The following RBM39 variants were observed in gnomAD, a reference collection of about 807,000 sequenced individuals.
RBM39 encodes the protein RNA-binding protein 39.
A neutral mutation model predicts 79.6 loss-of-function variants in RBM39; 12 were observed. The ratio of observed to expected loss-of-function variants is 0.15; its 90% CI spans 0.10 to 0.24. The LOEUF is 0.24. Among genes scored for constraint, RBM39 ranks in the 10% least tolerant of loss-of-function variants. RBM39 has a pLI of 1.00. For synonymous variants in RBM39, 185 were observed against 208.4 expected, an observed-to-expected ratio of 0.89 and a Z score of 0.97; for missense variants, 243 against 653.4, an observed-to-expected ratio of 0.37 and a Z score of 6.85.
rs1423718184 is a variant in RBM39 at position 35,722,457 on chromosome 20, G to GTT, written c.688-581_688-580insAA. ...ATAAAAATAAAAAGTTTATTTAGAG[G>GTT]CTTTTTTTTTTTTTTTTTTGAGACA... On this transcript the variant is annotated intron_variant, in intron 8 of 16. Transcript: ENST00000253363. Among the ~76,000 whole-genome samples the GTT allele has an allele frequency of 2.4e-3, 312 of 131,242 alleles. 10 individuals carry two copies. Among genetic ancestry groups the GTT allele is most frequent in the African/African-American group, 9.0e-3 (297 of 33,054 alleles). The allele number at this position is 131,242 out of a possible 152,430, so 86.1% of individuals were successfully genotyped here.
intron 10 of RBM39, among the ~76,000 whole-genome samples, chr20:35,714,954 T>TA (rs930140105): frequency 2.1e-4 from 32 of 152,192 alleles, no homozygotes; most frequent in African/African-American, 6.7e-4. Context: ...GTTACTAGAA[T>TA]AAAAAAATAA....
chr20:35,714,171 C>T lies in RBM39; in HGVS notation c.1096+14G>A. ...ACCCACAGTAAATCATTCGTAATAG[C>T]AAGAAACACTTACCCTCTGCAAGTC... is the stretch of plus-strand genomic sequence containing the variant. On this transcript the variant is annotated intron_variant, in intron 11 of 16. Coordinates refer to ENST00000253363, the MANE Select transcript of RBM39 (RefSeq NM_184234.3). 6.2e-7 allele frequency: 1 copy of T among 1,610,116 alleles called. No individual in the cohort carries two copies. The highest frequency in any genetic ancestry group is 2.2e-5 in the East Asian group (1 of 44,858).
At chr20:35,730,911 A>G (rs1370326971) in intron 4 of RBM39, among the ~76,000 whole-genome samples, 1 of 152,124 alleles carries the variant, frequency 6.6e-6, no homozygotes, top group African/African-American at 2.4e-5. Flanking sequence ...AATTCTTTTT[A>G]TTTTAAAGAT....
chr20:35,716,940 CAAG>C (rs1163967143), intron 9 of RBM39, 135 bp from the exon 10 acceptor site: 9 of 588,244 alleles, frequency 1.5e-5, no homozygotes, highest in Non-Finnish European at 2.7e-5. Context: ...ACCTCATCAC[CAAG>C]AAGTCTTTTT....
At chr20:35,721,696 A>C (rs1288560352) in intron 9 of RBM39, 44 bp downstream of exon 9, 2 of 1,597,224 alleles carry the variant, frequency 1.3e-6, no homozygotes, top group Non-Finnish European at 1.7e-6. Flanking sequence ...AGTTATACTC[A>C]GATCAACAAC....
At chr20:35,712,459 A>AAAGG (rs1555890288) in intron 12 of RBM39, among the ~76,000 whole-genome samples, 2 of 22,798 alleles carry the variant, frequency 8.8e-5, no homozygotes, top group Admixed American at 3.9e-4. Flanking sequence ...AAAAAAAAAA[A>AAAGG]GGGGGCGGGG....
At chr20:35,737,971 C>T (rs1491003749) in intron 3 of RBM39, among the ~76,000 whole-genome samples, 1 of 150,872 alleles carries the variant, frequency 6.6e-6, no homozygotes, top group African/African-American at 2.4e-5. Flanking sequence ...CTGGCTAACA[C>T]GGTGAAACTC....
chr20:35,717,839 A>G (rs1370287486), intron 9 of RBM39, among the ~76,000 whole-genome samples: 2 of 151,360 alleles, frequency 1.3e-5, no homozygotes, highest in Non-Finnish European at 2.9e-5. Flanking sequence ...ACAGAGGGAG[A>G]CTCTGTCTCA....
chr20:35,707,921 T>C (rs972976700), intron 13 of RBM39: 1 of 466,988 alleles, frequency 2.1e-6, no homozygotes, highest in Non-Finnish European at 4.4e-6. Flanking sequence ...ATATTACCAG[T>C]AGCTGTTACA....
At chr20:35,728,195 G>A (rs2038970705) in intron 6 of RBM39, among the ~76,000 whole-genome samples, 1 of 152,096 alleles carries the variant, frequency 6.6e-6, no homozygotes, top group Admixed American at 6.6e-5. Context: ...TTTTCCTCAG[G>A]ACAGCCAAAT....
At chr20:35,737,688 A>G (rs7268246) in intron 3 of RBM39, among the ~76,000 whole-genome samples, 7,007 of 148,522 alleles carry the variant, frequency 0.047, 204 homozygotes, top group African/African-American at 0.087. Flanking sequence ...TCTCTACTAA[A>G]ATTACAAAAA....
At chr20:35,732,946 A>G (rs907503480) in intron 3 of RBM39, 12 of 152,234 alleles carry the variant, frequency 7.9e-5, no homozygotes, top group Non-Finnish European at 1.6e-4. Context: ...AACACGTTCA[A>G]AGGGTCACAT....
At chr20:35,724,760 T>C (rs2038436896) in intron 7 of RBM39, 38 bp from the exon 8 acceptor site, 2 of 1,597,552 alleles carry the variant, frequency 1.3e-6, no homozygotes, top group Admixed American at 1.7e-5. Flanking sequence ...AAACATCCAT[T>C]GTAACACATG....
At chr20:35,716,133 G>C (rs1416419288) in intron 10 of RBM39, among the ~76,000 whole-genome samples, 1 of 152,030 alleles carries the variant, frequency 6.6e-6, no homozygotes, top group Non-Finnish European at 1.5e-5. Context: ...CAGCGCAATA[G>C]CACAATCTTG....
At chr20:35,721,212 G>A (rs554072210) in intron 9 of RBM39, among the ~76,000 whole-genome samples, 10 of 152,208 alleles carry the variant, frequency 6.6e-5, no homozygotes, top group Admixed American at 6.5e-4. Flanking sequence ...TGGGGTTACA[G>A]GTGTGAGCCA....
At chr20:35,719,753 GTTAA>G (rs2037668289) in intron 9 of RBM39, among the ~76,000 whole-genome samples, 1 of 152,152 alleles carries the variant, frequency 6.6e-6, no homozygotes, top group Non-Finnish European at 1.5e-5. Context: ...GTTTCCTGAT[GTTAA>G]TTTTTATATG....
intron 3 of RBM39, among the ~76,000 whole-genome samples, chr20:35,736,948 G>T (rs1472360573): frequency 6.6e-6 from 1 of 150,770 alleles, no homozygotes; most frequent in Non-Finnish European, 1.5e-5. Flanking sequence ...ACCACGCCAA[G>T]CCCAGACTTT....
chr20:35,707,208 AAAG>A lies in RBM39; in HGVS notation c.1226-10_1226-8del. The A allele has an allele frequency of 6.3e-7, 1 of 1,593,400 alleles. No homozygotes were observed. The highest frequency in any genetic ancestry group is 2.2e-5 in the East Asian group (1 of 44,578). ...GCTGCAGCTAAAGCTGAAGCTAAAAAAAGAAAGAGAAAAATTAGTTTCATGGAA... is the reference window on the plus strand; with the variant it reads ...GCTGCAGCTAAAGCTGAAGCTAAAAAAAAGAGAAAAATTAGTTTCATGGAA... On this transcript the variant is annotated splice_region_variant and splice_polypyrimidine_tract_variant and intron_variant, in intron 13 of 16. Coordinates refer to ENST00000253363, the MANE Select transcript of RBM39 (RefSeq NM_184234.3).
intron 2 of RBM39, chr20:35,739,325 AATTTCC>A: frequency 2.2e-6 from 1 of 455,966 alleles, no homozygotes; most frequent in East Asian, 6.1e-5. Context: ...GGTTAAATAT[AATTTCC>A]ATAAAACATG....
Sources: gnomAD v4.1 joint callset for allele counts (sites outside exome capture counted in the v4.1 genomes callset) on GRCh38, gnomAD v4.1.1 for gene constraint, MANE v1.5 for transcripts, NCBI Gene and HGNC (gene_info 2026-07-23, HGNC 2026-07-21) for gene names.